TEK: variants seen among roughly 807,000 people sequenced by gnomAD.
TEK encodes the protein angiopoietin-1 receptor.
Under a neutral mutation model 131.8 loss-of-function variants are expected in TEK, and 43 were observed. The observed-to-expected ratio is 0.33, with a 90% CI of 0.26 to 0.42. The LOEUF is 0.42. TEK is among the 10% of genes least tolerant of loss of function. TEK has a pLI of 1.00. For synonymous variants in TEK, 580 were observed against 491.6 expected, an observed-to-expected ratio of 1.18 and a Z score of -2.38; for missense variants, 1,162 against 1,384.4, an observed-to-expected ratio of 0.84 and a Z score of 2.55.
intron 1 of TEK, among the ~76,000 whole-genome samples, chr9:27,138,917 G>T (rs1460504996): frequency 1.3e-5 from 2 of 152,044 alleles, no homozygotes; most frequent in African/African-American, 4.8e-5. Flanking sequence ...AGTTTTGAAA[G>T]TAGGATTCTT....
chr9:27,168,942 G>C (rs1360586562), intron 3 of TEK, among the ~76,000 whole-genome samples: 2 of 152,246 alleles, frequency 1.3e-5, no homozygotes, highest in East Asian at 1.9e-4. Context: ...AATTACCACA[G>C]TAAACATGGG....
At chr9:27,150,741 G>A (rs1459348156) in intron 1 of TEK, among the ~76,000 whole-genome samples, 3 of 152,168 alleles carry the variant, frequency 2.0e-5, no homozygotes, top group African/African-American at 7.2e-5. Context: ...GCATATAAAT[G>A]AATGTTCAGT....
At chr9:27,147,099 T>TA (rs1317768409) in intron 1 of TEK, among the ~76,000 whole-genome samples, 1 of 152,202 alleles carries the variant, frequency 6.6e-6, no homozygotes, top group Non-Finnish European at 1.5e-5. Flanking sequence ...TGTTGGGTGA[T>TA]ACGTAAGTGT....
rs138916876 is a variant in TEK at position 27,229,811 on chromosome 9, T to C, written c.*579T>C. 433 of 159,392 alleles carry C rather than the reference T, an allele frequency of 2.7e-3. No individual in the cohort carries two copies. Among genetic ancestry groups the C allele is most frequent in the Admixed American group, 5.1e-3 (86 of 16,956 alleles). 9.9% of individuals were successfully genotyped at this position (159,392 alleles called of 1,614,324 possible). On this transcript the variant is annotated 3_prime_UTR_variant, in exon 23 of 23. Coordinates refer to ENST00000380036, the MANE Select transcript of TEK (RefSeq NM_000459.5). ...CCGTTTCATTTAGTCATGTGACCAC[T>C]CTGTCTTGTGTTTCCACAGCCTGCA...
At chr9:27,159,528 C>A (rs2077317) in intron 2 of TEK, among the ~76,000 whole-genome samples, 1 of 151,982 alleles carries the variant, frequency 6.6e-6, no homozygotes, top group Admixed American at 6.5e-5. Context: ...GTCGAGTACC[C>A]AGGTCCAGCT....
At chr9:27,167,829 T>C (rs1823788976) in intron 2 of TEK, among the ~76,000 whole-genome samples, 1 of 151,770 alleles carries the variant, frequency 6.6e-6, no homozygotes. Flanking sequence ...TTTTTTTCTC[T>C]TTCACTTTGG....
chr9:27,225,008 C>T (rs1193933901), intron 21 of TEK, among the ~76,000 whole-genome samples: 3 of 152,218 alleles, frequency 2.0e-5, no homozygotes, highest in South Asian at 2.1e-4. Context: ...TCATTCACAA[C>T]TGCTACAAAG....
intron 1 of TEK, among the ~76,000 whole-genome samples, chr9:27,110,876 A>G (rs1373423616): frequency 1.3e-5 from 2 of 151,538 alleles, no homozygotes; most frequent in African/African-American, 4.8e-5. Flanking sequence ...TGACTTCTCC[A>G]ATAATATGTA....
chr9:27,169,397 C>T (rs1389290245), intron 3 of TEK, 80 bp from the exon 4 acceptor site: 3 of 1,590,014 alleles, frequency 1.9e-6, no homozygotes, highest in East Asian at 2.2e-5. Flanking sequence ...TCAGGGAAAG[C>T]TAATTAAGTG....
chr9:27,131,315 C>T (rs552533200), intron 1 of TEK, among the ~76,000 whole-genome samples: 445 of 151,750 alleles, frequency 2.9e-3, no homozygotes, highest in Non-Finnish European at 5.2e-3. Flanking sequence ...GGTAAAACCC[C>T]GTCTCTATTA....
In TEK at chr9:27,204,984, T is replaced by C; in HGVS notation, c.2283T>C (p.Thr761=). 6.2e-7 allele frequency: 1 copy of C among 1,614,110 alleles called. No individual in the cohort carries two copies. The highest frequency in any genetic ancestry group is 8.5e-7 in the Non-Finnish European group (1 of 1,179,948). The change falls in exon 14 of 23, where the codon ACT becomes ACC. Residue 761 remains threonine (T), a synonymous_variant. Coordinates refer to ENST00000380036, the MANE Select transcript of TEK (RefSeq NM_000459.5). The part of the protein sequence containing the change: ...ILGSAGMTCL[T]VLLAFLIILQ... Reference sequence around the variant, plus strand: ...GCTCTGCTGGAATGACCTGCCTGACTGTGCTGTTGGCCTTTCTGATCATAT... The same window carrying C: ...GCTCTGCTGGAATGACCTGCCTGACCGTGCTGTTGGCCTTTCTGATCATAT...
chr9:27,185,410 A>G, intron 8 of TEK, 75 bp from the exon 9 acceptor site: 1 of 1,539,708 alleles, frequency 6.5e-7, no homozygotes, highest in Non-Finnish European at 9.0e-7. Context: ...AAACAATGAG[A>G]TGGGGTCAAT....
At position 27,229,985 on chromosome 9, in the gene TEK, G is replaced by C. The variant is rs1384271015; in HGVS notation, c.*753G>C. 3.3e-5 allele frequency: 5 copies of C among 152,200 alleles called. No individual in the cohort carries two copies. Among genetic ancestry groups the C allele is most frequent in the African/African-American group, 9.7e-5 (4 of 41,420 alleles). The allele number at this position is 152,200 out of a possible 1,614,324, so 9.4% of individuals were successfully genotyped here. A position where few individuals can be genotyped will look rare whatever the true frequency, so the allele number is the denominator to read the frequency against. ...GGTAATATTGACTTGTATATTTTAA[G>C]AAATAACAGAAAGCCTGGGTGACAT... On this transcript the variant is annotated 3_prime_UTR_variant, in exon 23 of 23. Coordinates refer to ENST00000380036, the MANE Select transcript of TEK (RefSeq NM_000459.5).
chr9:27,124,699 G>C (rs1821921801), intron 1 of TEK, among the ~76,000 whole-genome samples: 1 of 152,230 alleles, frequency 6.6e-6, no homozygotes, highest in Non-Finnish European at 1.5e-5. Context: ...TGTAAAATAT[G>C]CAGCATGATA....
intron 21 of TEK, among the ~76,000 whole-genome samples, chr9:27,220,510 T>C (rs577222394): frequency 2.7e-4 from 41 of 152,296 alleles, no homozygotes; most frequent in African/African-American, 9.9e-4. Context: ...ATTTTCGGGC[T>C]GGCAAGATGG....
Position 27,220,124 on chromosome 9 carries a change from C to A in TEK, c.3179C>A (p.Pro1060His). The change falls in exon 21 of 23, where the codon CCC becomes CAC. Residue 1060 changes from proline (P) to histidine (H), a missense_variant. Around this residue, in one of 6 missense-constraint regions of TEK, gnomAD observed 84 missense variants for 80.3 expected, o/e 1.05. Coordinates refer to ENST00000380036, the MANE Select transcript of TEK (RefSeq NM_000459.5). Reference sequence around the variant, plus strand: ...CCCCAGGGCTACAGACTGGAGAAGCCCCTGAACTGTGATGATGAGGTGTAA... The same window carrying A: ...CCCCAGGGCTACAGACTGGAGAAGCACCTGAACTGTGATGATGAGGTGTAA... Reference protein sequence around the residue: ...KLPQGYRLEKPLNCDDEVYDL... With the variant: ...KLPQGYRLEKHLNCDDEVYDL... 6.2e-7 allele frequency: 1 copy of A among 1,613,826 alleles called. No homozygotes were observed. The highest frequency in any genetic ancestry group is 1.1e-5 in the South Asian group (1 of 91,062).
chr9:27,194,487 A>C (rs1159744906), intron 11 of TEK, among the ~76,000 whole-genome samples: 1 of 152,212 alleles, frequency 6.6e-6, no homozygotes, highest in Non-Finnish European at 1.5e-5. Flanking sequence ...ATAGAGAGGA[A>C]AAAGGGACCT....
Position 27,185,764 on chromosome 9 carries a change from T to G in TEK, c.1327+135T>G, listed in dbSNP as rs17834811. ...TCCAGGATAGTAAGCCTTTAAAAAATTATATGCATGAAACTAGAGTGAAGA... is the reference window on the plus strand; with the variant it reads ...TCCAGGATAGTAAGCCTTTAAAAAAGTATATGCATGAAACTAGAGTGAAGA... On this transcript the variant is annotated intron_variant, in intron 9 of 22. Transcript: ENST00000380036. The G allele has an allele frequency of 0.29, 356,259 of 1,225,420 alleles. 52,061 individuals are homozygous for G. Among genetic ancestry groups the G allele is most frequent in the African/African-American group, 0.35 (23,486 of 66,690 alleles). 75.9% of individuals were successfully genotyped at this position (1,225,420 alleles called of 1,614,324 possible).
chr9:27,157,316 A>G (rs1055874859), intron 1 of TEK, among the ~76,000 whole-genome samples: 1 of 152,162 alleles, frequency 6.6e-6, no homozygotes, highest in Non-Finnish European at 1.5e-5. Context: ...TGAAGACTTC[A>G]CTTAGTCACT....
Sources: gnomAD v4.1 joint callset for allele counts (sites outside exome capture counted in the v4.1 genomes callset) on GRCh38, gnomAD v4.1.1 for gene constraint, gnomAD v4.1.1 regional missense constraint, MANE v1.5 for transcripts, NCBI Gene and HGNC (gene_info 2026-07-23, HGNC 2026-07-21) for gene names.